The following CADPS2 variants were observed in gnomAD, a reference collection of about 807,000 sequenced individuals.
The protein encoded by CADPS2 is calcium-dependent secretion activator 2.
In CADPS2, 93 loss-of-function variants were observed where a neutral mutation model predicts 172.5. The observed-to-expected ratio is 0.54, with a 90% CI of 0.46 to 0.64. The LOEUF (loss-of-function observed/expected upper bound fraction) is 0.64. CADPS2 is among the 30% of genes least tolerant of loss of function. The pLI is 0.00. For synonymous variants in CADPS2, 546 were observed against 555.2 expected (o/e 0.98, Z 0.23); for missense variants, 1,420 against 1,565.9 (o/e 0.91, Z 1.57).
intron 2 of CADPS2, among the ~76,000 whole-genome samples, chr7:122,722,717 G>A (rs1274545352): frequency 7.9e-6 from 1 of 127,022 alleles, no homozygotes; most frequent in South Asian, 2.9e-4. Context: ...AGCCTGCATT[G>A]CCAAGACAAT....
At chr7:122,794,630 C>T (rs946444345) in intron 1 of CADPS2, among the ~76,000 whole-genome samples, 5 of 151,834 alleles carry the variant, frequency 3.3e-5, no homozygotes, top group Non-Finnish European at 5.9e-5. Context: ...TAGATAGCTA[C>T]AGAACTCTCA....
At chr7:122,540,091 A>C (rs564036539) in intron 8 of CADPS2, among the ~76,000 whole-genome samples, 3 of 152,042 alleles carry the variant, frequency 2.0e-5, no homozygotes, top group Non-Finnish European at 4.4e-5. Context: ...CGTATTTGAG[A>C]TTTAGTCTAG....
intron 2 of CADPS2, among the ~76,000 whole-genome samples, chr7:122,704,378 G>A (rs1564116130): frequency 2.0e-5 from 3 of 151,630 alleles, no homozygotes; most frequent in Non-Finnish European, 4.4e-5. Context: ...TTCAAATGGA[G>A]TGAATTCCTG....
intron 1 of CADPS2, among the ~76,000 whole-genome samples, chr7:122,878,007 G>T (rs1019334642): frequency 9.4e-6 from 1 of 105,952 alleles, no homozygotes; most frequent in African/African-American, 4.2e-5. Context: ...TTTTTAAAAA[G>T]TGGCACTTTG....
At chr7:122,578,753 T>A (rs1224740557) in intron 7 of CADPS2, among the ~76,000 whole-genome samples, 1 of 152,160 alleles carries the variant, frequency 6.6e-6, no homozygotes. Context: ...GACTGAGGTA[T>A]GAAGGTCAAA....
At chr7:122,541,348 C>G (rs1006001139) in intron 8 of CADPS2, among the ~76,000 whole-genome samples, 8 of 141,274 alleles carry the variant, frequency 5.7e-5, no homozygotes, top group Admixed American at 3.8e-4. Context: ...AGGCGCCCAC[C>G]ACCACACCCA....
chr7:122,347,047 G>C (rs531427206), intron 27 of CADPS2, among the ~76,000 whole-genome samples: 2 of 152,252 alleles, frequency 1.3e-5, no homozygotes, highest in African/African-American at 4.8e-5. Flanking sequence ...ATGATAGGTA[G>C]GTAGAACTGA....
chr7:122,573,050 T>A (rs1414452004), intron 7 of CADPS2, among the ~76,000 whole-genome samples: 1 of 152,158 alleles, frequency 6.6e-6, no homozygotes, highest in Non-Finnish European at 1.5e-5. Context: ...ACCTACAGGT[T>A]ATGATATTTT....
At chr7:122,344,632 C>A (rs2037295780) in intron 28 of CADPS2, among the ~76,000 whole-genome samples, 2 of 152,130 alleles carry the variant, frequency 1.3e-5, no homozygotes, top group Admixed American at 6.5e-5. Flanking sequence ...GGCTTTACTG[C>A]AGCTTATTTG....
chr7:122,443,044 C>G (rs927412208), intron 15 of CADPS2, among the ~76,000 whole-genome samples: 1 of 152,178 alleles, frequency 6.6e-6, no homozygotes, highest in Admixed American at 6.5e-5. Context: ...GTAGTCCCCT[C>G]CCCCTGCTTA....
At chr7:122,881,278 A>G (rs1248459873) in intron 1 of CADPS2, among the ~76,000 whole-genome samples, 1 of 152,200 alleles carries the variant, frequency 6.6e-6, no homozygotes, top group Non-Finnish European at 1.5e-5. Flanking sequence ...ATATATCAAA[A>G]TCGCAGCTGA....
chr7:122,481,136 G>A (rs2057243195), intron 11 of CADPS2, among the ~76,000 whole-genome samples: 1 of 150,068 alleles, frequency 6.7e-6, no homozygotes, highest in Non-Finnish European at 1.5e-5. Context: ...TCATTCTGAT[G>A]AGGTAGAACA....
chr7:122,655,606 A>T (rs2079652288), intron 3 of CADPS2, among the ~76,000 whole-genome samples: 1 of 124,434 alleles, frequency 8.0e-6, no homozygotes, highest in Non-Finnish European at 1.8e-5. Context: ...AGTGTGAAAT[A>T]AAAAAAAATT....
chr7:122,361,049 C>T, intron 25 of CADPS2, 36 bp from the exon 26 acceptor site: 2 of 1,526,772 alleles, frequency 1.3e-6, no homozygotes, highest in Non-Finnish European at 9.0e-7. Context: ...TAGAATGTTA[C>T]TATGCATACA....
chr7:122,387,492 TG>T (rs2043839371), intron 23 of CADPS2, among the ~76,000 whole-genome samples: 1 of 152,102 alleles, frequency 6.6e-6, no homozygotes, highest in African/African-American at 2.4e-5. Flanking sequence ...CTTAATTGTC[TG>T]AATTAATTGT....
rs192676503 is a variant in CADPS2 at position 122,447,962 on chromosome 7, T to C, written c.2288+3412A>G. ...TTTTTTTAGTGCATGTCTAAAAATA[T>C]CATTATTCTACCATCACTGTTAATA... On this transcript the variant is annotated intron_variant, in intron 15 of 29. Coordinates refer to ENST00000449022, the MANE Select transcript of CADPS2 (RefSeq NM_017954.11). Among the ~76,000 whole-genome samples the C allele has an allele frequency of 6.2e-4, 94 of 152,214 alleles. No homozygotes were observed. The East Asian group carries it at 0.014, about 22-fold the overall frequency.
intron 2 of CADPS2, chr7:122,676,762 C>A: frequency 8.6e-7 from 1 of 1,168,162 alleles, no homozygotes; most frequent in Non-Finnish European, 1.2e-6. Flanking sequence ...CATGGAGAAA[C>A]TTCTCCAGAC....
intron 12 of CADPS2, 101 bp from the exon 13 acceptor site, chr7:122,474,618 C>T: frequency 9.2e-7 from 1 of 1,087,636 alleles, no homozygotes; most frequent in South Asian, 1.6e-5. Context: ...AAGCAGAAGA[C>T]TACCTTTTAT....
Position 122,645,337 on chromosome 7 carries a change from A to C in CADPS2, c.787-16009T>G, listed in dbSNP as rs1371145751. ...TGTGTATACATGTACATATATACAC[A>C]CATGTACATGTGTGTGTATACATGT... is the stretch of plus-strand genomic sequence containing the variant. On this transcript the variant is annotated intron_variant, in intron 3 of 29. Coordinates refer to ENST00000449022, the MANE Select transcript of CADPS2 (RefSeq NM_017954.11). Among the ~76,000 whole-genome samples the C allele has an allele frequency of 2.1e-4, 22 of 107,228 alleles. 1 individual carries two copies. Among genetic ancestry groups the C allele is most frequent in the African/African-American group, 6.2e-4 (21 of 34,012 alleles). The allele number at this position is 107,228 out of a possible 152,430, so 70.3% of individuals were successfully genotyped here. A position where few individuals can be genotyped will look rare whatever the true frequency, so the allele number is the denominator to read the frequency against.
Sources: allele counts gnomAD v4.1 joint callset (sites outside exome capture counted in the v4.1 genomes callset), GRCh38; gene constraint gnomAD v4.1.1; transcripts MANE v1.5; gene names NCBI Gene and HGNC (gene_info 2026-07-23, HGNC 2026-07-21).